Variants in UNC79 observed in about 807,000 individuals in gnomAD.
UNC79 encodes protein unc-79 homolog.
Under a neutral mutation model 283.1 loss-of-function variants are expected in UNC79, and 37 were observed. The ratio of observed to expected loss-of-function variants is 0.13; its 90% CI spans 0.10 to 0.17. The LOEUF is 0.17. Ranked by LOEUF, UNC79 falls within the 10% of genes least tolerant of loss-of-function variation. The pLI is 1.00. For missense variants in UNC79, 2,272 were observed against 3,211.1 expected, an observed-to-expected ratio of 0.71 and a Z score of 7.07; for synonymous variants, 1,107 against 1,200.2, an observed-to-expected ratio of 0.92 and a Z score of 1.61.
At chr14:93,488,208 A>G (rs949878168) in intron 5 of UNC79, among the ~76,000 whole-genome samples, 73 of 152,344 alleles carry the variant, frequency 4.8e-4, no homozygotes, top group African/African-American at 1.6e-3. Context: ...GAAATTTTCA[A>G]TATTTCCAAT....
chr14:93,378,531 C>G (rs1028027231), intron 1 of UNC79, among the ~76,000 whole-genome samples: 9 of 151,608 alleles, frequency 5.9e-5, no homozygotes, highest in African/African-American at 2.2e-4. Context: ...AATGAGATAT[C>G]TTGGAGATAG....
intron 1 of UNC79, among the ~76,000 whole-genome samples, chr14:93,356,355 A>G (rs7159521): frequency 0.74 from 112,534 of 152,106 alleles, 42,538 homozygotes; most frequent in African/African-American, 0.87. Context: ...GTAGGCTGCA[A>G]CCCTTTGAGG....
upstream of UNC79, among the ~76,000 whole-genome samples, chr14:93,427,648 A>C (rs2055760934): frequency 6.6e-6 from 1 of 151,774 alleles, no homozygotes; most frequent in South Asian, 2.1e-4. Flanking sequence ...TATTAGTTTT[A>C]AGAAGCAGAT....
intron 1 of UNC79, among the ~76,000 whole-genome samples, chr14:93,416,463 G>A (rs1394720482): frequency 2.6e-5 from 4 of 152,024 alleles, no homozygotes; most frequent in Admixed American, 6.6e-5. Flanking sequence ...TTTTGGAATA[G>A]GTGTGGTGTG....
intron 27 of UNC79, among the ~76,000 whole-genome samples, chr14:93,613,577 G>A (rs2066468784): frequency 6.6e-6 from 1 of 152,016 alleles, no homozygotes; most frequent in South Asian, 2.1e-4. Flanking sequence ...ACCATGCCCA[G>A]CTAATTTTTT....
intron 18 of UNC79, among the ~76,000 whole-genome samples, chr14:93,578,458 A>G (rs533025767): frequency 6.6e-6 from 1 of 152,346 alleles, no homozygotes; most frequent in South Asian, 2.1e-4. Flanking sequence ...AAAGGTTTTG[A>G]TGAGAACATT....
In UNC79 at chr14:93,688,672, T is replaced by G; in HGVS notation, c.6917T>G (p.Met2306Arg). Residue 2306 changes from methionine (M) to arginine (R), a missense_variant, in exon 44 of 49, where the codon ATG becomes AGG. Physicochemically the swap from Met to Arg is moderately conservative, Grantham distance 91. This residue lies in a region of UNC79 where 287 missense variants were observed against 446.4 expected (regional missense o/e 0.64). Transcript: ENST00000555664. This position sits in a 1 kb window ranked among gnomAD's most constrained non-coding sequence, Gnocchi z 4.0. ...TACCATTCGGTTTTGTAGAGCCACA[T>G]GAAGACATGTTCCCAGCCTCTGCAT... 6.2e-7 allele frequency: 1 copy of G among 1,613,448 alleles called. No individual in the cohort carries two copies. The highest frequency in any genetic ancestry group is 2.2e-5 in the East Asian group (1 of 44,862).
intron 39 of UNC79, among the ~76,000 whole-genome samples, chr14:93,660,925 T>C (rs2071539470): frequency 6.6e-6 from 1 of 152,044 alleles, no homozygotes; most frequent in African/African-American, 2.4e-5. Flanking sequence ...CAAAGAATAA[T>C]GAATCATTAG....
At chr14:93,429,132 T>A (rs1243874497), upstream of UNC79, among the ~76,000 whole-genome samples, 1 of 152,258 alleles carries the variant, frequency 6.6e-6, no homozygotes, top group African/African-American at 2.4e-5. Flanking sequence ...GAATAACCCA[T>A]TGAGCTTTCT....
chr14:93,357,821 G>GGATATATGGATATGTATATATAT (rs2054133237), intron 1 of UNC79, among the ~76,000 whole-genome samples: 1 of 85,878 alleles, frequency 1.2e-5, no homozygotes, highest in African/African-American at 3.8e-5. Flanking sequence ...ATATATATAT[G>GGATATATGGATATGTATATATAT]GATATATGGA....
At chr14:93,465,540 G>C (rs1595530167) in intron 1 of UNC79, among the ~76,000 whole-genome samples, 1 of 152,190 alleles carries the variant, frequency 6.6e-6, no homozygotes, top group Admixed American at 6.5e-5. Context: ...CTGCTTTGCT[G>C]TGCATATTTG....
intron 40 of UNC79, among the ~76,000 whole-genome samples, chr14:93,672,221 A>T (rs1012693460): frequency 6.6e-6 from 1 of 152,206 alleles, no homozygotes; most frequent in Non-Finnish European, 1.5e-5. Flanking sequence ...TATCAAAAGG[A>T]TACCTGCACT....
intron 7 of UNC79, among the ~76,000 whole-genome samples, chr14:93,517,973 A>G (rs964193385): frequency 1.3e-5 from 2 of 151,458 alleles, no homozygotes; most frequent in African/African-American, 4.8e-5. Context: ...GGATGAACTC[A>G]TCTTGTCATG....
chr14:93,681,262 A>T (rs1057511449), intron 41 of UNC79, among the ~76,000 whole-genome samples: 2 of 152,160 alleles, frequency 1.3e-5, no homozygotes, highest in Non-Finnish European at 2.9e-5. Flanking sequence ...TCTTGCCCCC[A>T]TTCAGTTACA....
At chr14:93,605,742 G>C (rs1197534117) in intron 26 of UNC79, among the ~76,000 whole-genome samples, 1 of 152,158 alleles carries the variant, frequency 6.6e-6, no homozygotes, top group African/African-American at 2.4e-5. Flanking sequence ...AAAATTTCAA[G>C]TAAGGAGACT....
At chr14:93,458,277 G>A (rs543720111) in intron 1 of UNC79, among the ~76,000 whole-genome samples, 1 of 152,274 alleles carries the variant, frequency 6.6e-6, no homozygotes, top group South Asian at 2.1e-4. Flanking sequence ...GCAAAGAATG[G>A]GGAAAATGTT....
At position 93,688,929 on chromosome 14, in the gene UNC79, A is replaced by G; in HGVS notation, c.7085+89A>G. The G allele has an allele frequency of 1.4e-6, 2 of 1,414,470 alleles. No homozygotes were observed. Among genetic ancestry groups the G allele is most frequent in the South Asian group, 1.4e-5 (1 of 71,160 alleles). The allele number at this position is 1,414,470 out of a possible 1,614,324, so 87.6% of individuals were successfully genotyped here. A position where few individuals can be genotyped will look rare whatever the true frequency, so the allele number is the denominator to read the frequency against. ...GGGCTCAGCTAGAGTTAAGGAGTAC[A>G]CCGAAGATTTATGACAGTGGAATAT... On this transcript the variant is annotated intron_variant, in intron 44 of 48. Coordinates refer to ENST00000555664, the Ensembl canonical transcript of UNC79. The surrounding 1 kb of genome is among the most constrained non-coding windows in gnomAD (Gnocchi z 4.0).
At chr14:93,341,312 C>T (rs1476790763) in intron 1 of UNC79, among the ~76,000 whole-genome samples, 1 of 151,860 alleles carries the variant, frequency 6.6e-6, no homozygotes, top group Non-Finnish European at 1.5e-5. Flanking sequence ...CAAAAATGAG[C>T]CAGGCGTGGT....
chr14:93,447,648 C>T (rs1039376090), intron 1 of UNC79, among the ~76,000 whole-genome samples: 7 of 151,590 alleles, frequency 4.6e-5, no homozygotes, highest in African/African-American at 9.7e-5. Flanking sequence ...AACTTTCCTT[C>T]GCATATTTTG....
Sources: allele counts gnomAD v4.1 joint callset (sites outside exome capture counted in the v4.1 genomes callset), GRCh38; gene constraint gnomAD v4.1.1; regional missense constraint gnomAD v4.1.1; non-coding constraint Gnocchi (gnomAD v3.1); transcripts MANE v1.5; gene names NCBI Gene and HGNC (gene_info 2026-07-23, HGNC 2026-07-21).